SGCZ: variants seen among roughly 807,000 people sequenced by gnomAD.
SGCZ encodes zeta-sarcoglycan.
SGCZ carries 40 observed loss-of-function variants against 41.3 expected under a neutral mutation model. The observed-to-expected ratio is 0.97, with a 90% confidence interval of 0.75 to 1.26. The LOEUF (loss-of-function observed/expected upper bound fraction) is 1.26. Among genes scored for constraint, SGCZ ranks in the 50% most tolerant of loss-of-function variants. The pLI, the probability that SGCZ is intolerant of heterozygous loss-of-function variation, is 0.00. For missense variants in SGCZ, 552 were observed against 369.8 expected (o/e 1.49, Z -4.04); for synonymous variants, 206 against 137.5 (o/e 1.50, Z -3.49).
chr8:14,791,470 A>C (rs1008101444), intron 1 of SGCZ, among the ~76,000 whole-genome samples: 3 of 151,574 alleles, frequency 2.0e-5, no homozygotes, highest in Admixed American at 2.0e-4. Flanking sequence ...AAAAAAAAAA[A>C]ATCCTATTTT....
At chr8:14,624,128 A>G (rs1477415200) in intron 1 of SGCZ, among the ~76,000 whole-genome samples, 1 of 152,192 alleles carries the variant, frequency 6.6e-6, no homozygotes, top group African/African-American at 2.4e-5. Context: ...AAAAGATTCA[A>G]CAAGTTTAAT....
intron 1 of SGCZ, among the ~76,000 whole-genome samples, chr8:14,822,845 G>A (rs1003540971): frequency 7.9e-5 from 12 of 151,984 alleles, no homozygotes; most frequent in East Asian, 5.8e-4. Flanking sequence ...AGGCTTCAGC[G>A]CAGCTCGTGA....
At chr8:14,431,623 T>C (rs1238934413) in intron 2 of SGCZ, among the ~76,000 whole-genome samples, 1 of 152,162 alleles carries the variant, frequency 6.6e-6, no homozygotes, top group African/African-American at 2.4e-5. Flanking sequence ...TGACATTGGC[T>C]TAGGCAGGAA....
At chr8:14,212,933 G>T (rs1805865547) in intron 4 of SGCZ, among the ~76,000 whole-genome samples, 1 of 152,024 alleles carries the variant, frequency 6.6e-6, no homozygotes, top group African/African-American at 2.4e-5. Flanking sequence ...AAAACAAAAT[G>T]ATTCTGGATG....
At chr8:14,226,589 T>C (rs985367168) in intron 4 of SGCZ, among the ~76,000 whole-genome samples, 5 of 152,130 alleles carry the variant, frequency 3.3e-5, no homozygotes, top group Admixed American at 1.3e-4. Flanking sequence ...GCACAGTGCA[T>C]TCATCCATTC....
intron 1 of SGCZ, among the ~76,000 whole-genome samples, chr8:14,899,057 G>C (rs936013839): frequency 6.6e-6 from 1 of 151,910 alleles, no homozygotes; most frequent in Non-Finnish European, 1.5e-5. Context: ...TTTTTAAGAA[G>C]TCGTTTTCCT....
intron 1 of SGCZ, among the ~76,000 whole-genome samples, chr8:14,555,829 G>A (rs1804019163): frequency 6.6e-6 from 1 of 152,016 alleles, no homozygotes; most frequent in South Asian, 2.1e-4. Context: ...CATTTGTGCA[G>A]ATTTATGTAG....
At chr8:14,860,509 CAGAA>C (rs1340167034) in intron 1 of SGCZ, among the ~76,000 whole-genome samples, 1 of 113,478 alleles carries the variant, frequency 8.8e-6, no homozygotes, top group African/African-American at 3.4e-5. Flanking sequence ...GGAAAAGAGA[CAGAA>C]TGAAAAGAGA....
chr8:14,119,904 G>A (rs1802646645), intron 5 of SGCZ, among the ~76,000 whole-genome samples: 2 of 152,130 alleles, frequency 1.3e-5, no homozygotes, highest in African/African-American at 4.8e-5. Flanking sequence ...GCATCCCAGG[G>A]ATGAAGCCCA....
At chr8:14,698,724 T>C (rs1000855035) in intron 1 of SGCZ, among the ~76,000 whole-genome samples, 1 of 151,862 alleles carries the variant, frequency 6.6e-6, no homozygotes, top group Non-Finnish European at 1.5e-5. Flanking sequence ...TCAGCACAAG[T>C]ATGTTGTGCA....
intron 1 of SGCZ, among the ~76,000 whole-genome samples, chr8:14,662,749 C>A (rs1056205847): frequency 6.6e-6 from 1 of 152,124 alleles, no homozygotes; most frequent in Non-Finnish European, 1.5e-5. Flanking sequence ...GATTATCCTG[C>A]ATTATCCACA....
At chr8:15,013,415 C>T (rs1013713123) in intron 1 of SGCZ, among the ~76,000 whole-genome samples, 1 of 152,132 alleles carries the variant, frequency 6.6e-6, no homozygotes, top group African/African-American at 2.4e-5. Context: ...TAATCTTGCC[C>T]TTAGCATCTA....
intron 1 of SGCZ, among the ~76,000 whole-genome samples, chr8:15,191,863 G>A (rs1247210451): frequency 1.3e-5 from 2 of 151,922 alleles, no homozygotes; most frequent in African/African-American, 4.8e-5. Context: ...AAACAACCCA[G>A]AAGAAAAATA....
intron 4 of SGCZ, among the ~76,000 whole-genome samples, chr8:14,218,518 G>T (rs1187157162): frequency 6.6e-6 from 1 of 152,176 alleles, no homozygotes; most frequent in Non-Finnish European, 1.5e-5. Flanking sequence ...CTTAATATCA[G>T]GTTGATGCAA....
intron 5 of SGCZ, among the ~76,000 whole-genome samples, chr8:14,162,981 C>T (rs1184955516): frequency 6.6e-6 from 1 of 152,184 alleles, no homozygotes; most frequent in African/African-American, 2.4e-5. Flanking sequence ...AGCCATCCTC[C>T]CACATCAGCC....
chr8:14,164,328 A>C (rs1804139569), intron 5 of SGCZ, among the ~76,000 whole-genome samples: 1 of 152,034 alleles, frequency 6.6e-6, no homozygotes, highest in African/African-American at 2.4e-5. Context: ...GCCCAGCCAC[A>C]TCATTTTCTT....
intron 3 of SGCZ, among the ~76,000 whole-genome samples, chr8:14,271,089 C>T (rs1200188438): frequency 6.6e-6 from 1 of 151,944 alleles, no homozygotes; most frequent in Non-Finnish European, 1.5e-5. Context: ...GGAGATATAC[C>T]TAATGTTAAA....
At chr8:14,280,177 C>A (rs549971857) in intron 3 of SGCZ, among the ~76,000 whole-genome samples, 2 of 151,980 alleles carry the variant, frequency 1.3e-5, no homozygotes, top group African/African-American at 4.8e-5. Flanking sequence ...ATTATAATGA[C>A]ATAATAGTAT....
rs1554540016 is a variant in SGCZ, at chr8:15,012,554, A to ATATAACATATAAATATATATT, written c.39+225030_39+225031insAATATATATTTATATGTTATA. On this transcript the variant is annotated intron_variant, in intron 1 of 7. Transcript: ENST00000382080. ...TGAACATATAAAAATATGAATATTT[A>ATATAACATATAAATATATATT]TATATAACATATAAATATATATTTA... Among the ~76,000 whole-genome samples the ATATAACATATAAATATATATT allele has an allele frequency of 3.8e-3, 380 of 98,808 alleles. 4 individuals are homozygous for ATATAACATATAAATATATATT. The highest frequency in any genetic ancestry group is 0.037 in the Middle Eastern group (6 of 164). The allele number at this position is 98,808 out of a possible 152,430, so 64.8% of individuals were successfully genotyped here. A position where few individuals can be genotyped will look rare whatever the true frequency, so the allele number is the denominator to read the frequency against.
Sources: gnomAD v4.1 joint callset for allele counts (sites outside exome capture counted in the v4.1 genomes callset) on GRCh38, gnomAD v4.1.1 for gene constraint, MANE v1.5 for transcripts, NCBI Gene and HGNC (gene_info 2026-07-23, HGNC 2026-07-21) for gene names.